Variants in XKR9 observed in about 807,000 individuals in gnomAD.
XKR9 encodes XK-related protein 9.
In XKR9, 32 loss-of-function variants were observed where a neutral mutation model predicts 32.0. The ratio of observed to expected loss-of-function variants is 1.00; its 90% CI spans 0.76 to 1.34. The LOEUF is 1.34. Among genes scored for constraint, XKR9 ranks in the 40% most tolerant of loss-of-function variants. The pLI, the probability that XKR9 is intolerant of heterozygous loss-of-function variation, is 0.00. For missense variants in XKR9, 546 were observed against 429.7 expected (o/e 1.27, Z -2.39); for synonymous variants, 168 against 143.4 (o/e 1.17, Z -1.22).
intron 4 of XKR9, among the ~76,000 whole-genome samples, chr8:70,723,597 C>T (rs1305477012): frequency 1.3e-5 from 2 of 152,202 alleles, no homozygotes; most frequent in Non-Finnish European, 2.9e-5. Context: ...CTGGAGTTTT[C>T]TGGAGGTCCA....
chr8:70,779,292 G>T (rs917436553), intron 2 of XKR9, among the ~76,000 whole-genome samples: 1 of 152,140 alleles, frequency 6.6e-6, no homozygotes, highest in Non-Finnish European at 1.5e-5. Flanking sequence ...TGCATATCAG[G>T]GATGAAGCCA....
intron 2 of XKR9, among the ~76,000 whole-genome samples, chr8:70,677,849 G>T (rs1046195160): frequency 6.6e-6 from 1 of 152,156 alleles, no homozygotes; most frequent in Non-Finnish European, 1.5e-5. Flanking sequence ...CCTAGCAGTA[G>T]TAGCTACTAT....
intron 2 of XKR9, among the ~76,000 whole-genome samples, chr8:70,755,459 C>G (rs552374024): frequency 6.6e-6 from 1 of 152,188 alleles, no homozygotes; most frequent in South Asian, 2.1e-4. Context: ...CACATGCACA[C>G]GTATGTTTAT....
the XKR9 span, among the ~76,000 whole-genome samples, chr8:71,047,167 CA>C: frequency 6.6e-6 from 1 of 152,220 alleles, no homozygotes; most frequent in East Asian, 1.9e-4. Flanking sequence ...ACATCATTAA[CA>C]GGAAAAGTTG....
At chr8:70,999,475 G>A in the XKR9 span, among the ~76,000 whole-genome samples, 2 of 152,148 alleles carry the variant, frequency 1.3e-5, no homozygotes, top group African/African-American at 4.8e-5. Context: ...ATAATCATGA[G>A]CCTAGAGAAA....
downstream of XKR9, among the ~76,000 whole-genome samples, chr8:70,740,005 A>C (rs140814349): frequency 5.4e-3 from 823 of 152,156 alleles, 10 homozygotes; most frequent in African/African-American, 0.019. Context: ...CTGTATGTGA[A>C]TGTTGGCCTG....
the XKR9 span, among the ~76,000 whole-genome samples, chr8:70,796,466 C>G: frequency 2.0e-5 from 3 of 151,932 alleles, no homozygotes; most frequent in East Asian, 5.8e-4. Flanking sequence ...AGTCTTCTTT[C>G]TTTTTGTCAA....
At chr8:70,881,426 A>T in the XKR9 span, among the ~76,000 whole-genome samples, 1 of 152,298 alleles carries the variant, frequency 6.6e-6, no homozygotes, top group African/African-American at 2.4e-5. Context: ...TTTACAAGAA[A>T]AAAACAACCC....
the XKR9 span, among the ~76,000 whole-genome samples, chr8:70,806,499 G>A: frequency 6.6e-6 from 1 of 152,152 alleles, no homozygotes; most frequent in African/African-American, 2.4e-5. Context: ...CTAACCCAAT[G>A]CAAAGGAGCT....
At chr8:70,771,930 T>A (rs1807459310) in intron 2 of XKR9, among the ~76,000 whole-genome samples, 1 of 152,166 alleles carries the variant, frequency 6.6e-6, no homozygotes, top group Non-Finnish European at 1.5e-5. Context: ...TTAAAATTGG[T>A]TTATTAAAAA....
chr8:70,789,168 G>T (rs148968597), intron 2 of XKR9, among the ~76,000 whole-genome samples: 199 of 151,970 alleles, frequency 1.3e-3, no homozygotes, highest in African/African-American at 4.3e-3. Flanking sequence ...TGTAACTTAG[G>T]TCTGAAGGGA....
At chr8:70,997,972 C>T in the XKR9 span, among the ~76,000 whole-genome samples, 6 of 152,108 alleles carry the variant, frequency 3.9e-5, no homozygotes, top group Non-Finnish European at 8.8e-5. Context: ...CCCTACCCAC[C>T]TCCTCTGCCC....
chr8:70,902,675 G>A, the XKR9 span, among the ~76,000 whole-genome samples: 1 of 152,170 alleles, frequency 6.6e-6, no homozygotes, highest in African/African-American at 2.4e-5. Flanking sequence ...ACTCTGTTGA[G>A]TGGTGAGAGA....
the XKR9 span, among the ~76,000 whole-genome samples, chr8:70,860,121 A>G: frequency 1.3e-5 from 2 of 152,160 alleles, no homozygotes; most frequent in Admixed American, 1.3e-4. Context: ...CAAATATTAT[A>G]TATCAATAAC....
intron 2 of XKR9, among the ~76,000 whole-genome samples, chr8:70,786,561 AG>A (rs1223953570): frequency 6.6e-6 from 1 of 152,028 alleles, no homozygotes; most frequent in Non-Finnish European, 1.5e-5. Context: ...TTTTTGACAA[AG>A]TCTGTTTTAT....
chr8:70,772,127 G>T (rs1394214824), intron 2 of XKR9, among the ~76,000 whole-genome samples: 1 of 152,144 alleles, frequency 6.6e-6, no homozygotes, highest in Non-Finnish European at 1.5e-5. Context: ...CCTTGAGAAT[G>T]TATTATCTTT....
At chr8:70,813,957 G>T in the XKR9 span, among the ~76,000 whole-genome samples, 8 of 152,242 alleles carry the variant, frequency 5.3e-5, no homozygotes, top group East Asian at 1.5e-3. Flanking sequence ...ATACCCAAAG[G>T]ATTATAAATC....
At chr8:70,994,417 T>G in the XKR9 span, among the ~76,000 whole-genome samples, 4 of 152,158 alleles carry the variant, frequency 2.6e-5, no homozygotes, top group African/African-American at 7.2e-5. Context: ...TTTTAGCACT[T>G]TAAATATTAC....
rs1272774299 is a variant in XKR9, at chr8:70,782,914, G to T, written n.353-6425G>T. On this transcript the variant is annotated intron_variant and non_coding_transcript_variant, in intron 2 of 3. Transcript: ENST00000520273. ...ACTGCCAACACCTCTTCTACCAACTGATTTGACCTTGTTTGGGTAAATACT... is the reference window on the plus strand; with the variant it reads ...ACTGCCAACACCTCTTCTACCAACTTATTTGACCTTGTTTGGGTAAATACT... Among the ~76,000 whole-genome samples, 3 of 152,142 alleles carry T rather than the reference G, an allele frequency of 2.0e-5. No individual in the cohort carries two copies. The East Asian group carries it at 5.8e-4, about 29-fold the overall frequency.
Sources: allele counts gnomAD v4.1 joint callset (sites outside exome capture counted in the v4.1 genomes callset), GRCh38; gene constraint gnomAD v4.1.1; transcripts MANE v1.5; gene names NCBI Gene and HGNC (gene_info 2026-07-23, HGNC 2026-07-21).